TUSC3: variants seen among roughly 807,000 people sequenced by gnomAD.
TUSC3 encodes tumor suppressor candidate 3.
A neutral mutation model predicts 44.8 loss-of-function variants in TUSC3; 45 were observed. The observed-to-expected ratio is 1.00, with a 90% CI of 0.79 to 1.29. TUSC3 has a LOEUF of 1.29. Among genes scored for constraint, TUSC3 ranks in the 50% most tolerant of loss-of-function variants. The pLI is 0.00. For synonymous variants in TUSC3, 212 were observed against 152.9 expected, an observed-to-expected ratio of 1.39 and a Z score of -2.85; for missense variants, 519 against 437.9, an observed-to-expected ratio of 1.19 and a Z score of -1.65.
chr8:15,696,924 G>C (rs529683981), intron 6 of TUSC3, among the ~76,000 whole-genome samples: 1 of 152,164 alleles, frequency 6.6e-6, no homozygotes, highest in South Asian at 2.1e-4. Context: ...GCTGGTCCTG[G>C]ACTTTTTTTT....
At chr8:15,474,819 C>G (rs1800552877) in intron 1 of TUSC3, among the ~76,000 whole-genome samples, 1 of 152,154 alleles carries the variant, frequency 6.6e-6, no homozygotes, top group Non-Finnish European at 1.5e-5. Context: ...TCCCACTTCT[C>G]ACATTGCTCC....
intron 3 of TUSC3, among the ~76,000 whole-genome samples, chr8:15,651,910 T>C (rs1446816746): frequency 2.6e-5 from 4 of 152,224 alleles, no homozygotes; most frequent in African/African-American, 4.8e-5. Context: ...GTTCAACTTA[T>C]GTATTATTTC....
rs904681381 is a variant in TUSC3 at position 15,662,178 on chromosome 8, A to G, written c.590A>G (p.Asn197Ser). 1.4e-5 allele frequency: 22 copies of G among 1,612,810 alleles called. No homozygotes were observed. The highest frequency in any genetic ancestry group is 2.7e-5 in the African/African-American group (2 of 74,792). Residue 197 changes from asparagine to serine, a missense_variant, in exon 5 of 11, where the codon AAC becomes AGC. Coordinates refer to ENST00000503731, the MANE Select transcript of TUSC3 (RefSeq NM_006765.4). ...CAGATTCGGGTTTTCAGACCACCCA[A>G]CTACTCTGGTACCATTGCTTTGGCC... is the stretch of plus-strand genomic sequence containing the variant. ...DVHIRVFRPP[N>S]YSGTIALALL...
intron 1 of TUSC3, among the ~76,000 whole-genome samples, chr8:15,566,644 G>GGT (rs1802687326): frequency 6.6e-6 from 1 of 151,306 alleles, no homozygotes; most frequent in Non-Finnish European, 1.5e-5. Flanking sequence ...TTTTGAGACA[G>GGT]GGTCTTGCTC....
intron 1 of TUSC3, among the ~76,000 whole-genome samples, chr8:15,481,317 A>G (rs949344807): frequency 4.0e-5 from 6 of 151,796 alleles, no homozygotes; most frequent in East Asian, 1.9e-4. Context: ...GCCGTCATCA[A>G]TGGATTAATG....
chr8:15,541,104 C>A (rs1196566248), intron 1 of TUSC3, among the ~76,000 whole-genome samples: 1 of 152,278 alleles, frequency 6.6e-6, no homozygotes, highest in East Asian at 1.9e-4. Context: ...TACAACAGAA[C>A]ATATTGAGAG....
At chr8:15,817,348 G>GAAA in the TUSC3 span, among the ~76,000 whole-genome samples, 21 of 149,608 alleles carry the variant, frequency 1.4e-4, no homozygotes, top group African/African-American at 4.9e-4. Context: ...ATTAAGACTT[G>GAAA]AAAAAAAAAA....
chr8:15,651,719 G>C (rs1219872222), intron 3 of TUSC3, among the ~76,000 whole-genome samples: 1 of 152,072 alleles, frequency 6.6e-6, no homozygotes, highest in African/African-American at 2.4e-5. Flanking sequence ...AATTTCTGTT[G>C]GTTAGGTCAC....
chr8:15,827,543 C>T, the TUSC3 span, among the ~76,000 whole-genome samples: 2 of 152,100 alleles, frequency 1.3e-5, no homozygotes, highest in East Asian at 3.9e-4. Context: ...AAAATGGCTT[C>T]AGAAAACTCT....
the TUSC3 span, among the ~76,000 whole-genome samples, chr8:15,820,310 C>CTTTTT: frequency 3.1e-5 from 3 of 97,570 alleles, no homozygotes; most frequent in Admixed American, 1.1e-4. Flanking sequence ...ATCTGTAATT[C>CTTTTT]TTTTTTTTTT....
chr8:15,784,960 G>T, the TUSC3 span, among the ~76,000 whole-genome samples: 1 of 151,872 alleles, frequency 6.6e-6, no homozygotes, highest in Non-Finnish European at 1.5e-5. Context: ...AGGCCAGTTT[G>T]ATCATGCCAC....
chr8:15,686,662 A>C, intron 6 of TUSC3, among the ~76,000 whole-genome samples: 1 of 152,128 alleles, frequency 6.6e-6, no homozygotes, highest in East Asian at 1.9e-4. Context: ...TAGATTAAAT[A>C]TAATTATTAT....
intron 1 of TUSC3, among the ~76,000 whole-genome samples, chr8:15,467,535 A>T (rs1800429536): frequency 6.6e-6 from 1 of 152,164 alleles, no homozygotes; most frequent in Admixed American, 6.5e-5. Context: ...TCTTATTCTG[A>T]ACTGCCAGTT....
intron 1 of TUSC3, among the ~76,000 whole-genome samples, chr8:15,593,277 G>C (rs1275660930): frequency 2.0e-5 from 3 of 151,934 alleles, no homozygotes; most frequent in Admixed American, 2.0e-4. Context: ...GTAGAGACAG[G>C]GTTTCACCAT....
At chr8:15,470,536 G>T (rs975404723) in intron 1 of TUSC3, among the ~76,000 whole-genome samples, 1 of 152,140 alleles carries the variant, frequency 6.6e-6, no homozygotes, top group Non-Finnish European at 1.5e-5. Context: ...AGAAGTTTGA[G>T]TATGTGTCGG....
At chr8:15,806,167 A>AT in the TUSC3 span, 2 of 481,636 alleles carry the variant, frequency 4.2e-6, no homozygotes, top group African/African-American at 4.0e-5. Context: ...GCATCAGTTG[A>AT]TGTGGAGTCA....
the TUSC3 span, chr8:15,806,245 A>G: frequency 1.4e-5 from 8 of 568,338 alleles, no homozygotes; most frequent in Non-Finnish European, 2.0e-5. Flanking sequence ...TTGTTTGCCA[A>G]TTCACCTCCA....
At chr8:15,512,822 G>GTGTGTGTGTGTATATATATT (rs1563270796) in intron 2 of TUSC3, among the ~76,000 whole-genome samples, 10 of 864 alleles carry the variant, frequency 0.012, no homozygotes, top group African/African-American at 0.014. Flanking sequence ...GTCTTGGGGT[G>GTGTGTGTGTGTATATATATT]TGTGTGTGTG....
chr8:15,448,833 C>G (rs994299850), intron 1 of TUSC3, among the ~76,000 whole-genome samples: 1 of 152,106 alleles, frequency 6.6e-6, no homozygotes, highest in African/African-American at 2.4e-5. Context: ...GGTCAACAGA[C>G]TCTATATATG....
Sources: gnomAD v4.1 joint callset for allele counts (sites outside exome capture counted in the v4.1 genomes callset) on GRCh38, gnomAD v4.1.1 for gene constraint, MANE v1.5 for transcripts, NCBI Gene and HGNC (gene_info 2026-07-23, HGNC 2026-07-21) for gene names.